Variants in CNGB1 observed in about 807,000 individuals in gnomAD.
CNGB1 encodes cyclic nucleotide gated channel subunit beta 1.
A neutral mutation model predicts 151.7 loss-of-function variants in CNGB1; 126 were observed. The ratio of observed to expected loss-of-function variants is 0.83; its 90% CI spans 0.72 to 0.96. The LOEUF is 0.96. Ranked by LOEUF, CNGB1 falls within the 40% of genes least tolerant of loss-of-function variation. CNGB1 has a pLI of 0.00. For synonymous variants in CNGB1, 623 were observed against 635.1 expected, an observed-to-expected ratio of 0.98 and a Z score of 0.29; for missense variants, 1,698 against 1,627.0, an observed-to-expected ratio of 1.04 and a Z score of -0.75.
intron 12 of CNGB1, 135 bp from the exon 13 acceptor site, chr16:57,950,675 T>C: frequency 2.3e-6 from 2 of 861,508 alleles, no homozygotes; most frequent in South Asian, 1.4e-5. Flanking sequence ...AGTGGGGAAA[T>C]GGCACTTTCC....
In CNGB1 at chr16:57,917,428, C is replaced by T. The variant is rs1439549909; in HGVS notation, c.2006G>A (p.Trp669Ter). ...WLFFVVMAWN[W>*]NCWLIPVRWA... The stretch of plus-strand genomic sequence containing the variant: ...GCGCACGGGAATCAGCCAACAGTTC[C>T]AATTCCAGGCCATCACCACGAAGAA... Residue 669 changes from tryptophan (W) to a stop codon, truncating the protein, a stop_gained, in exon 21 of 33, where the codon TGG becomes TAG. Transcript: ENST00000251102. LOFTEE classifies it high-confidence loss of function. The T allele has an allele frequency of 6.2e-7, 1 of 1,614,146 alleles. No individual in the cohort carries two copies.
chr16:57,957,419 C>T (rs1567395738), intron 11 of CNGB1, 42 bp from the exon 12 acceptor site: 23 of 1,574,966 alleles, frequency 1.5e-5, no homozygotes, highest in Non-Finnish European at 1.8e-5. Context: ...GCCACGGCCT[C>T]TTCACCAGCC....
At chr16:57,905,735 C>T (rs1273992134) in intron 25 of CNGB1, among the ~76,000 whole-genome samples, 1 of 152,252 alleles carries the variant, frequency 6.6e-6, no homozygotes, top group African/African-American at 2.4e-5. Context: ...CTTCCTTTGG[C>T]CCTTCTGCCT....
chr16:57,895,511 A>G (rs1227915666), intron 31 of CNGB1, among the ~76,000 whole-genome samples: 1 of 149,644 alleles, frequency 6.7e-6, no homozygotes, highest in African/African-American at 2.4e-5. Flanking sequence ...ATGTGTGTGT[A>G]TGTATTTTAT....
In CNGB1 at chr16:57,957,360, C is replaced by A. The variant is rs372101208; in HGVS notation, c.855G>T (p.Gly285=). 1 of 1,614,074 alleles carries A rather than the reference C, an allele frequency of 6.2e-7. No individual in the cohort carries two copies. ...KIGEQEPDSP[G]ICDVQTISIL... The stretch of plus-strand genomic sequence containing the variant: ...ACTTACTGGTCTGCACATCACATAT[C>A]CCAGGGGAGTCAGGCTCCTGCATGG... Residue 285 remains glycine, a synonymous_variant, in exon 12 of 33, where the codon GGG becomes GGT. Coordinates refer to ENST00000251102, the MANE Select transcript of CNGB1 (RefSeq NM_001297.5).
intron 14 of CNGB1, 124 bp downstream of exon 14, chr16:57,949,229 C>A (rs1961885113): frequency 5.2e-6 from 8 of 1,553,164 alleles, no homozygotes; most frequent in Non-Finnish European, 6.1e-6. Context: ...GGTCAAAGCC[C>A]AGCCTTACAC....
Position 57,884,273 on chromosome 16 carries a change from G to A in CNGB1, c.3647C>T (p.Ala1216Val), listed in dbSNP as rs1404626209. Residue 1216 changes from alanine (A) to valine (V), a missense_variant, in exon 33 of 33, where the codon GCC (alanine) becomes GTC (valine). Transcript: ENST00000251102. ...CCTCACCGAGTGCTCTTCGGGCTCG[G>A]CCGGCCCCTCCTCCTCTCCCTCCGG... ...GRPEGEEEGP[A>V]EPEEHSVRIC... The A allele has an allele frequency of 6.2e-7, 1 of 1,613,626 alleles. No individual in the cohort carries two copies. The highest frequency in any genetic ancestry group is 8.5e-7 in the Non-Finnish European group (1 of 1,179,870).
At position 57,962,845 on chromosome 16, in the gene CNGB1, T is replaced by C. The variant is rs1371393805; in HGVS notation, c.409A>G (p.Thr137Ala). The change falls in exon 6 of 33, where the codon ACA becomes GCA. Residue 137 changes from threonine to alanine, a missense_variant. Physicochemically the swap from Thr to Ala is moderately conservative, Grantham distance 58. Transcript: ENST00000251102. ...CCATCCTGCCCCTTGTTCTTACCTG[T>C]GTCCCCAGTGCTGCCATGCCCCAGG... The part of the protein sequence containing the change: ...QILGHGSTGD[T>A]GCTDEPNEAL... The C allele has an allele frequency of 1.9e-6, 3 of 1,612,794 alleles. No individual in the cohort carries two copies. In the Admixed American group the frequency reaches 5.0e-5, roughly 27 times the overall value.
chr16:57,892,110 A>G (rs1273383657), intron 31 of CNGB1, among the ~76,000 whole-genome samples: 1 of 151,210 alleles, frequency 6.6e-6, no homozygotes, highest in Non-Finnish European at 1.5e-5. Flanking sequence ...TAAATGGACC[A>G]TAAAAAGACA....
chr16:57,924,693 C>T (rs9921126), intron 17 of CNGB1, among the ~76,000 whole-genome samples: 5,595 of 152,194 alleles, frequency 0.037, 335 homozygotes, highest in African/African-American at 0.13. Context: ...TTGTAATCCC[C>T]AGTGTTGGCG....
At chr16:57,923,620 C>T (rs1472848026) in intron 17 of CNGB1, among the ~76,000 whole-genome samples, 1 of 152,186 alleles carries the variant, frequency 6.6e-6, no homozygotes, top group Non-Finnish European at 1.5e-5. Context: ...CTAAAGGTAA[C>T]AGCATTGGTA....
chr16:57,964,724 C>T (rs41255), intron 2 of CNGB1, among the ~76,000 whole-genome samples, 180 bp from the exon 3 acceptor site: 2 of 152,174 alleles, frequency 1.3e-5, no homozygotes, highest in African/African-American at 4.8e-5. Flanking sequence ...TCCCTTCCTC[C>T]TAGCCCCAGG....
intron 16 of CNGB1, among the ~76,000 whole-genome samples, chr16:57,935,059 A>AG (rs1426507782): frequency 2.6e-5 from 4 of 151,930 alleles, no homozygotes; most frequent in African/African-American, 9.7e-5. Context: ...AAAAAAAAAA[A>AG]AAAGTTACAC....
intron 18 of CNGB1, among the ~76,000 whole-genome samples, chr16:57,921,402 A>T (rs1182015901): frequency 6.6e-6 from 1 of 151,854 alleles, no homozygotes; most frequent in Non-Finnish European, 1.5e-5. Flanking sequence ...TTGTAGTTTT[A>T]GTAGAGAGGG....
chr16:57,917,271 G>C lies in CNGB1; in HGVS notation c.2163C>G (p.Ile721Met). 1 of 1,612,298 alleles carries C rather than the reference G, an allele frequency of 6.2e-7. No individual in the cohort carries two copies. ...TRLQFVRGGD[I>M]ITDKKDMRNN... Reference sequence around the variant, plus strand: ...ACACCACCTGCCTGTGACTCACAATGATGTCCCCGCCTCTGACAAACTGCA... The same window carrying C: ...ACACCACCTGCCTGTGACTCACAATCATGTCCCCGCCTCTGACAAACTGCA... Residue 721 changes from isoleucine (I) to methionine (M), a missense_variant, in exon 21 of 33, where the codon ATC becomes ATG. Physicochemically the swap from Ile to Met is conservative, Grantham distance 10 (BLOSUM62 1). Coordinates refer to ENST00000251102, the MANE Select transcript of CNGB1 (RefSeq NM_001297.5).
At chr16:57,960,597 T>C in intron 8 of CNGB1, 67 bp from the exon 9 acceptor site, 1 of 1,585,900 alleles carries the variant, frequency 6.3e-7, no homozygotes, top group Admixed American at 1.7e-5. Flanking sequence ...CAACCGCCAC[T>C]ACCAGCTGTG....
chr16:57,940,116 G>T, intron 15 of CNGB1, 118 bp downstream of exon 15: 1 of 995,714 alleles, frequency 1.0e-6, no homozygotes, highest in Non-Finnish European at 1.5e-6. Flanking sequence ...TGCTCCCTCT[G>T]TCCTGCGGGC....
intron 29 of CNGB1, among the ~76,000 whole-genome samples, chr16:57,899,722 T>C (rs142894199): frequency 6.6e-6 from 1 of 152,308 alleles, no homozygotes; most frequent in East Asian, 1.9e-4. Flanking sequence ...TTTTGACTTA[T>C]TTGACAAAAA....
intron 23 of CNGB1, among the ~76,000 whole-genome samples, chr16:57,914,783 TG>T (rs1960816769): frequency 6.6e-6 from 1 of 152,196 alleles, no homozygotes; most frequent in Non-Finnish European, 1.5e-5. Context: ...AATCCATCCC[TG>T]GCACTTCCTT....
Sources: gnomAD v4.1 joint callset for allele counts (sites outside exome capture counted in the v4.1 genomes callset) on GRCh38, gnomAD v4.1.1 for gene constraint, MANE v1.5 for transcripts, NCBI Gene and HGNC (gene_info 2026-07-23, HGNC 2026-07-21) for gene names.